Variants in AKAP8 observed in about 807,000 individuals in gnomAD.
AKAP8 encodes A-kinase anchor protein 8.
AKAP8 carries 24 observed loss-of-function variants against 67.5 expected under a neutral mutation model. That is an observed-to-expected ratio of 0.36 (90% confidence interval 0.26 to 0.50). The LOEUF is 0.50. Ranked by LOEUF, AKAP8 falls within the 20% of genes least tolerant of loss-of-function variation. The probability of loss-of-function intolerance (pLI) is 0.97; values close to 1 mark genes in which losing one functional copy is unlikely to be tolerated. For synonymous variants in AKAP8, 400 were observed against 371.1 expected, an observed-to-expected ratio of 1.08 and a Z score of -0.90; for missense variants, 971 against 955.9, an observed-to-expected ratio of 1.02 and a Z score of -0.21.
intron 5 of AKAP8, among the ~76,000 whole-genome samples, chr19:15,372,634 G>A (rs1408284732): frequency 2.0e-5 from 3 of 152,126 alleles, no homozygotes; most frequent in Admixed American, 1.3e-4. Flanking sequence ...GGAAGAGACA[G>A]GGGTGACTAA....
intron 13 of AKAP8, among the ~76,000 whole-genome samples, chr19:15,357,084 A>G (rs899269083): frequency 2.0e-5 from 3 of 151,948 alleles, no homozygotes; most frequent in Non-Finnish European, 2.9e-5. Flanking sequence ...CAGCCTCCCA[A>G]GTAGCTGGGA....
At position 15,369,358 on chromosome 19, in the gene AKAP8, G is replaced by A; in HGVS notation, c.1072+788C>T. 1.4e-6 allele frequency: 1 copy of A among 723,250 alleles called. No individual in the cohort carries two copies. Among genetic ancestry groups the A allele is most frequent in the Non-Finnish European group, 1.7e-6 (1 of 590,710 alleles). 44.8% of individuals were successfully genotyped at this position (723,250 alleles called of 1,614,324 possible). A position where few individuals can be genotyped will look rare whatever the true frequency, so the allele number is the denominator to read the frequency against. ...GAGGGCTGGCAAAGCCTGAACAGGA[G>A]GAACATCTAAGCCAAGGGCCTTCAG... is the stretch of plus-strand genomic sequence containing the variant. On this transcript the variant is annotated intron_variant, in intron 8 of 13. Transcript: ENST00000269701. The surrounding 1 kb of genome is among the most constrained non-coding windows in gnomAD (Gnocchi z 4.6).
intron 1 of AKAP8, 95 bp downstream of exon 1, chr19:15,379,618 G>C (rs976236294): frequency 2.1e-6 from 3 of 1,449,582 alleles, no homozygotes; most frequent in Non-Finnish European, 2.8e-6. Context: ...AACCACGCTC[G>C]GGACGAAGGC....
rs2048260416 is a variant in AKAP8 at position 15,353,913 on chromosome 19, AAC to A, written c.*1000_*1001del. ...AGTAATAGTTATTTCTCTAAAATGAAACATATATTTCATTTTATATATATATA... is the reference window on the plus strand; with the variant it reads ...AGTAATAGTTATTTCTCTAAAATGAAATATATTTCATTTTATATATATATA... On this transcript the variant is annotated 3_prime_UTR_variant, in exon 14 of 14. Coordinates refer to ENST00000269701, the MANE Select transcript of AKAP8 (RefSeq NM_005858.4). 1 of 122,700 alleles carries A rather than the reference AAC, an allele frequency of 8.1e-6. No individual in the cohort carries two copies. Among genetic ancestry groups the A allele is most frequent in the Admixed American group, 9.7e-5 (1 of 10,322 alleles). The allele number at this position is 122,700 out of a possible 1,614,324, so 7.6% of individuals were successfully genotyped here. A position where few individuals can be genotyped will look rare whatever the true frequency, so the allele number is the denominator to read the frequency against.
At chr19:15,364,358 T>C (rs1335364481) in intron 9 of AKAP8, among the ~76,000 whole-genome samples, 1 of 151,456 alleles carries the variant, frequency 6.6e-6, no homozygotes, top group Non-Finnish European at 1.5e-5. Context: ...ATTTTATTTA[T>C]TTATTTTTTT....
chr19:15,367,598 A>G (rs2145075566), intron 9 of AKAP8, among the ~76,000 whole-genome samples: 1 of 152,366 alleles, frequency 6.6e-6, no homozygotes, highest in African/African-American at 2.4e-5. Flanking sequence ...CCAGCATCAC[A>G]TGATCACTGG....
intron 5 of AKAP8, among the ~76,000 whole-genome samples, chr19:15,372,646 GAGA>G (rs1444720708): frequency 5.3e-5 from 8 of 152,156 alleles, no homozygotes; most frequent in Admixed American, 3.3e-4. Flanking sequence ...GGTGACTAAT[GAGA>G]AGAAGTTTCT....
chr19:15,379,772 AC>A lies in AKAP8; in HGVS notation c.-42del. The A allele has an allele frequency of 6.2e-7, 1 of 1,609,364 alleles. No individual in the cohort carries two copies. Among genetic ancestry groups the A allele is most frequent in the East Asian group, 2.2e-5 (1 of 44,488 alleles). ...CACCAGCAGCCCCGTTTACTAGGCGACCACAGCACGCATGCGTTCAGCGCAC... is the reference window on the plus strand; with the variant it reads ...CACCAGCAGCCCCGTTTACTAGGCGACACAGCACGCATGCGTTCAGCGCAC... On this transcript the variant is annotated 5_prime_UTR_variant, in exon 1 of 14. An upstream open reading frame in the 5' UTR loses its in-frame stop. Transcript: ENST00000269701.
At chr19:15,370,004 G>T in intron 8 of AKAP8, 142 bp downstream of exon 8, 1 of 960,840 alleles carries the variant, frequency 1.0e-6, no homozygotes, top group Non-Finnish European at 1.7e-6. Context: ...CACGGTCAAG[G>T]CCCATCTGGT....
In AKAP8 at chr19:15,373,126, G is replaced by A; in HGVS notation, c.586C>T (p.Gln196Ter). 6.2e-7 allele frequency: 1 copy of A among 1,612,872 alleles called. No individual in the cohort carries two copies. The highest frequency in any genetic ancestry group is 8.5e-7 in the Non-Finnish European group (1 of 1,179,858). The change falls in exon 5 of 14, where the codon CAG becomes TAG. Residue 196 changes from glutamine to a stop codon, truncating the protein, a stop_gained. Transcript: ENST00000269701. LOFTEE classifies it high-confidence loss of function. Reference sequence around the variant, plus strand: ...AAGGTGCCAGGGTTGCTCCGGTCCTGGAAGCGGCCCTGGCCCCGGCCCCGC... The same window carrying A: ...AAGGTGCCAGGGTTGCTCCGGTCCTAGAAGCGGCCCTGGCCCCGGCCCCGC... ...FMRGRGQGRF[Q>*]DRSNPGTFMR...
rs1263163161 is a variant in AKAP8 at position 15,373,288 on chromosome 19, C to G, written c.424G>C (p.Glu142Gln). ...TAGCTGGGGCGGTAGGGGTTGTGCT[C>G]CGGCAGGCAGGGCCTGGAGTCATAG... ...ESYDSRPCLP[E>Q]HNPYRPSYSY... The change falls in exon 5 of 14, where the codon GAG becomes CAG. Residue 142 changes from glutamate to glutamine, a missense_variant. Transcript: ENST00000269701. 3 of 1,613,464 alleles carry G rather than the reference C, an allele frequency of 1.9e-6. No individual in the cohort carries two copies. In the African/African-American group the frequency reaches 4.0e-5, roughly 22 times the overall value.
In AKAP8 at chr19:15,373,187, G is replaced by A. The variant is rs1967192600; in HGVS notation, c.525C>T (p.Asp175=). 1.2e-6 allele frequency: 2 copies of A among 1,613,626 alleles called. No individual in the cohort carries two copies. The highest frequency in any genetic ancestry group is 1.7e-5 in the Admixed American group (1 of 59,998). ...CAAGGGAGCCCCGCTCCCGGGCTGG[G>A]TCTCGGCATTCACTGTACTGCCCCC... ...SFGGQYSECR[D]PARERGSLDG... The change falls in exon 5 of 14, where the codon GAC becomes GAT. Residue 175 remains aspartate, a synonymous_variant. Coordinates refer to ENST00000269701, the MANE Select transcript of AKAP8 (RefSeq NM_005858.4).
Position 15,355,252 on chromosome 19 carries a change from A to G in AKAP8, c.1742T>C (p.Val581Ala), listed in dbSNP as rs200241726. The G allele has an allele frequency of 1.6e-4, 263 of 1,611,604 alleles. No individual in the cohort carries two copies. The highest frequency in any genetic ancestry group is 2.1e-4 in the Non-Finnish European group (252 of 1,179,916). Residue 581 changes from valine to alanine, a missense_variant, in exon 14 of 14, where the codon GTG becomes GCG. Physicochemically the swap from Val to Ala is moderately conservative, Grantham distance 64. Transcript: ENST00000269701. The part of the protein sequence containing the change: ...EEVAADVLAE[V>A]ITAAVRAVDG... Reference sequence around the variant, plus strand: ...TACGGCCCTCACTGCTGCTGTAATCACCTCTGCTAAGACGTCCGCGGCCAC... The same window carrying G: ...TACGGCCCTCACTGCTGCTGTAATCGCCTCTGCTAAGACGTCCGCGGCCAC...
chr19:15,371,902 G>T (rs1160410317), intron 7 of AKAP8, 50 bp downstream of exon 7: 1 of 1,597,816 alleles, frequency 6.3e-7, no homozygotes. Context: ...GGTGATTAAA[G>T]AAAGAAGAAA....
intron 9 of AKAP8, among the ~76,000 whole-genome samples, chr19:15,365,610 C>T (rs931170265): frequency 2.6e-5 from 4 of 152,164 alleles, no homozygotes; most frequent in East Asian, 1.9e-4. Context: ...CCTACGTAGG[C>T]GGGGAGGGGA....
At chr19:15,373,589 C>T in intron 4 of AKAP8, 197 bp downstream of exon 4, 1 of 919,548 alleles carries the variant, frequency 1.1e-6, no homozygotes, top group Non-Finnish European at 1.6e-6. Flanking sequence ...AGCCAACAAC[C>T]ACGCCCAAGC....
intron 7 of AKAP8, among the ~76,000 whole-genome samples, chr19:15,370,990 C>G (rs1967147864): frequency 1.3e-5 from 2 of 152,188 alleles, no homozygotes; most frequent in Non-Finnish European, 2.9e-5. Flanking sequence ...AACTGAGAAT[C>G]TGAACAGAGC....
chr19:15,359,064 T>C lies in AKAP8; in HGVS notation c.1528-2A>G, dbSNP rs1281928416. On this transcript the variant is annotated splice_acceptor_variant, in intron 12 of 13. Transcript: ENST00000269701. LOFTEE classifies it high-confidence loss of function. Reference sequence around the variant, plus strand: ...TTTCTTGAACTGTTCAGCAGCCAACTGCAAAGGGAACCAAATGTGAGCTCT... The same window carrying C: ...TTTCTTGAACTGTTCAGCAGCCAACCGCAAAGGGAACCAAATGTGAGCTCT... 1.5e-5 allele frequency: 24 copies of C among 1,613,722 alleles called. No individual in the cohort carries two copies. The highest frequency in any genetic ancestry group is 1.9e-5 in the Non-Finnish European group (23 of 1,179,778).
intron 13 of AKAP8, among the ~76,000 whole-genome samples, chr19:15,356,169 G>A (rs1205339889): frequency 6.6e-6 from 1 of 151,956 alleles, no homozygotes; most frequent in East Asian, 1.9e-4. Context: ...GGGAGGCCAA[G>A]ATGGGTGGAT....
Sources: gnomAD v4.1 joint callset for allele counts (sites outside exome capture counted in the v4.1 genomes callset) on GRCh38, gnomAD v4.1.1 for gene constraint, Gnocchi (gnomAD v3.1) non-coding constraint, MANE v1.5 for transcripts, NCBI Gene and HGNC (gene_info 2026-07-23, HGNC 2026-07-21) for gene names.